MIS18BP1: variants seen among roughly 807,000 people sequenced by gnomAD.
The protein encoded by MIS18BP1 is mis18-binding protein 1.
MIS18BP1 carries 72 observed loss-of-function variants against 116.1 expected under a neutral mutation model. That is an observed-to-expected ratio of 0.62 (90% CI 0.51 to 0.75). MIS18BP1 has a LOEUF of 0.75. Ranked by LOEUF, MIS18BP1 falls within the 30% of genes least tolerant of loss-of-function variation. The probability of loss-of-function intolerance (pLI) is 0.00; values close to 1 mark genes in which losing one functional copy is unlikely to be tolerated. For missense variants in MIS18BP1, 1,363 were observed against 1,303.2 expected, an observed-to-expected ratio of 1.05 and a Z score of -0.71; for synonymous variants, 386 against 427.0, an observed-to-expected ratio of 0.90 and a Z score of 1.18.
At position 45,208,262 on chromosome 14, in the gene MIS18BP1, A is replaced by C. The variant is rs187780939; in HGVS notation, c.3153-2092T>G. 6.6e-5 allele frequency among the ~76,000 whole-genome samples: 10 copies of C among 151,492 alleles called. No homozygotes were observed. The East Asian group carries it at 1.9e-3, about 29-fold the overall frequency. On this transcript the variant is annotated intron_variant, in intron 14 of 16. Transcript: ENST00000310806. The stretch of plus-strand genomic sequence containing the variant: ...TTCAGTATTATGTTTTATGATGAAC[A>C]TCTGTGTTCCAAATCTCATATTTCC...
chr14:45,218,719 C>T (rs1179229052), intron 11 of MIS18BP1, among the ~76,000 whole-genome samples: 3 of 150,966 alleles, frequency 2.0e-5, no homozygotes, highest in Non-Finnish European at 4.4e-5. Context: ...GAAAAATGAC[C>T]CTCAGCCTTT....
At position 45,228,100 on chromosome 14, in the gene MIS18BP1, C is replaced by A. The variant is rs144351334; in HGVS notation, c.1595-286G>T. On this transcript the variant is annotated intron_variant, in intron 8 of 16. Transcript: ENST00000310806. ...ATCACTTGAGCCAGGGAGGTCGAGG[C>A]TGCAGTGAGCCGTGATTGTGCCACT... Among the ~76,000 whole-genome samples, 345 of 152,162 alleles carry A rather than the reference C, an allele frequency of 2.3e-3. 7 individuals carry two copies. The highest frequency in any genetic ancestry group is 0.02 in the Admixed American group (307 of 15,290).
intron 14 of MIS18BP1, among the ~76,000 whole-genome samples, chr14:45,207,585 A>T (rs1890552905): frequency 6.6e-6 from 1 of 152,160 alleles, no homozygotes; most frequent in Non-Finnish European, 1.5e-5. Flanking sequence ...TGGTAGATGG[A>T]GGCGGTAGTG....
intron 2 of MIS18BP1, among the ~76,000 whole-genome samples, chr14:45,245,496 C>T (rs1036018102): frequency 6.6e-6 from 1 of 152,096 alleles, no homozygotes; most frequent in East Asian, 1.9e-4. Flanking sequence ...TCCCGAGTAG[C>T]TGGGATTACA....
chr14:45,252,152 A>G (rs1373168959), intron 1 of MIS18BP1, among the ~76,000 whole-genome samples: 1 of 152,194 alleles, frequency 6.6e-6, no homozygotes, highest in Non-Finnish European at 1.5e-5. Flanking sequence ...ACCCGACTCC[A>G]TAGCTTCAGT....
In MIS18BP1 at chr14:45,209,312, T is replaced by TA. The variant is rs145473438; in HGVS notation, c.3152+1067dup. ...CTTAGGCATTTTATCATAATAGCAA[T>TA]AAAAAATATCTTCATTAATTTCTTT... On this transcript the variant is annotated intron_variant, in intron 14 of 16. Transcript: ENST00000310806. Among the ~76,000 whole-genome samples, 1,315 of 152,160 alleles carry TA rather than the reference T, an allele frequency of 8.6e-3. 17 individuals carry two copies. The highest frequency in any genetic ancestry group is 0.03 in the African/African-American group (1,249 of 41,538).
At chr14:45,209,657 C>T (rs1162213871) in intron 14 of MIS18BP1, among the ~76,000 whole-genome samples, 4 of 152,148 alleles carry the variant, frequency 2.6e-5, no homozygotes, top group Admixed American at 2.0e-4. Context: ...GACCAGAGTT[C>T]ATTTAATTAG....
At chr14:45,222,136 G>A (rs1421973819) in intron 11 of MIS18BP1, among the ~76,000 whole-genome samples, 1 of 152,132 alleles carries the variant, frequency 6.6e-6, no homozygotes, top group African/African-American at 2.4e-5. Context: ...TATATTTAAA[G>A]TGAGTTTGTT....
In MIS18BP1 at chr14:45,203,445, A is replaced by G. The variant is rs1001901065; in HGVS notation, c.*664T>C. ...TTAAGCTGTTTCTGCATATGTAAAT[A>G]AGGCTTAAAAATTAGAGAACAAAAT... On this transcript the variant is annotated 3_prime_UTR_variant, in exon 17 of 17. Coordinates refer to ENST00000310806, the MANE Select transcript of MIS18BP1 (RefSeq NM_018353.5). 1 of 152,172 alleles carries G rather than the reference A, an allele frequency of 6.6e-6. No homozygotes were observed. Among genetic ancestry groups the G allele is most frequent in the Admixed American group, 6.5e-5 (1 of 15,282 alleles). 9.4% of individuals were successfully genotyped at this position (152,172 alleles called of 1,614,324 possible).
intron 5 of MIS18BP1, among the ~76,000 whole-genome samples, chr14:45,236,627 G>A (rs1331241909): frequency 6.6e-6 from 1 of 152,148 alleles, no homozygotes; most frequent in Non-Finnish European, 1.5e-5. Context: ...TTGGTCAACT[G>A]GGATTAAACT....
At chr14:45,224,942 C>T (rs1012678485) in intron 10 of MIS18BP1, among the ~76,000 whole-genome samples, 196 bp from the exon 11 acceptor site, 15 of 152,190 alleles carry the variant, frequency 9.9e-5, no homozygotes, top group African/African-American at 3.6e-4. Context: ...TAAACATATA[C>T]TATTGTTTAT....
At position 45,242,522 on chromosome 14, in the gene MIS18BP1, CA is replaced by C; in HGVS notation, c.659-5del. 1 of 1,563,390 alleles carries C rather than the reference CA, an allele frequency of 6.4e-7. No homozygotes were observed. The highest frequency in any genetic ancestry group is 8.6e-7 in the Non-Finnish European group (1 of 1,163,264). ...TCTTGGTTCAGAGTTGGAAGTTCTG[CA>C]AAAAATACAAAACAAAACAAAACAA... On this transcript the variant is annotated splice_polypyrimidine_tract_variant and splice_region_variant and intron_variant, in intron 3 of 16. Coordinates refer to ENST00000310806, the MANE Select transcript of MIS18BP1 (RefSeq NM_018353.5).
In MIS18BP1 at chr14:45,204,473, A is replaced by C; in HGVS notation, c.3241-20T>G. The C allele has an allele frequency of 6.4e-7, 1 of 1,557,426 alleles. No homozygotes were observed. The highest frequency in any genetic ancestry group is 8.7e-7 in the Non-Finnish European group (1 of 1,148,988). On this transcript the variant is annotated intron_variant, in intron 15 of 16. Coordinates refer to ENST00000310806, the MANE Select transcript of MIS18BP1 (RefSeq NM_018353.5). ...TTCAACCTATAAAAGAGTTACTATT[A>C]ATAGCTAAATGGTACCTCCTGGTGA...
At chr14:45,232,944 T>C (rs547124118) in intron 6 of MIS18BP1, 124 bp from the exon 7 acceptor site, 18 of 575,152 alleles carry the variant, frequency 3.1e-5, no homozygotes, top group Non-Finnish European at 4.4e-5. Context: ...GGTACTATTA[T>C]AGATATTCAG....
chr14:45,246,939 T>C lies in MIS18BP1; in HGVS notation c.348A>G (p.Leu116=), dbSNP rs1891737117. ...ANYESPGKIF[L]RMKEKVLRDK... ...CACGCAGTACTTTTTCTTTCATTCTTAGAAATATTTTTCCTGGTGATTCAT... is the reference window on the plus strand; with the variant it reads ...CACGCAGTACTTTTTCTTTCATTCTCAGAAATATTTTTCCTGGTGATTCAT... Residue 116 remains leucine (L), a synonymous_variant, in exon 2 of 17, where the codon CTA becomes CTG. Transcript: ENST00000310806. The C allele has an allele frequency of 6.2e-7, 1 of 1,604,240 alleles. No homozygotes were observed. The highest frequency in any genetic ancestry group is 1.7e-5 in the Admixed American group (1 of 57,630).
intron 15 of MIS18BP1, among the ~76,000 whole-genome samples, chr14:45,204,994 G>T (rs943686317): frequency 6.6e-6 from 1 of 152,036 alleles, no homozygotes; most frequent in Non-Finnish European, 1.5e-5. Context: ...GGCTAAAATG[G>T]TAAAGTAAAT....
At chr14:45,240,560 C>T (rs975792486) in intron 4 of MIS18BP1, among the ~76,000 whole-genome samples, 3 of 152,036 alleles carry the variant, frequency 2.0e-5, no homozygotes, top group Admixed American at 6.6e-5. Flanking sequence ...GAATATTCTT[C>T]TCAACTCCAA....
At position 45,224,367 on chromosome 14, in the gene MIS18BP1, G is replaced by C; in HGVS notation, c.2220C>G (p.Asp740Glu). Residue 740 changes from aspartate (D) to glutamate (E), a missense_variant, in exon 11 of 17, where the codon GAC becomes GAG. Transcript: ENST00000310806. ...NLEKEQMLTS[D>E]FKKNTRLLPK... ...GTAATAGTCTGGTATTTTTCTTAAA[G>C]TCAGAGGTGAGCATTTGTTCCTTTT... 2 of 1,613,570 alleles carry C rather than the reference G, an allele frequency of 1.2e-6. No individual in the cohort carries two copies. Among genetic ancestry groups the C allele is most frequent in the African/African-American group, 2.7e-5 (2 of 75,000 alleles).
At chr14:45,220,458 G>A (rs1890942654) in intron 11 of MIS18BP1, among the ~76,000 whole-genome samples, 1 of 152,132 alleles carries the variant, frequency 6.6e-6, no homozygotes, top group Non-Finnish European at 1.5e-5. Flanking sequence ...TTGGTTAACG[G>A]AGGTAGATTC....
Sources: gnomAD v4.1 joint callset for allele counts (sites outside exome capture counted in the v4.1 genomes callset) on GRCh38, gnomAD v4.1.1 for gene constraint, MANE v1.5 for transcripts, NCBI Gene and HGNC (gene_info 2026-07-23, HGNC 2026-07-21) for gene names.